Variants in ZKSCAN1 observed in about 807,000 individuals in gnomAD.
The protein encoded by ZKSCAN1 is zinc finger protein with KRAB and SCAN domains 1.
ZKSCAN1 carries 14 observed loss-of-function variants against 51.6 expected under a neutral mutation model. The ratio of observed to expected loss-of-function variants is 0.27; its 90% CI spans 0.18 to 0.42. ZKSCAN1 has a LOEUF of 0.42. Among genes scored for constraint, ZKSCAN1 ranks in the 10% least tolerant of loss-of-function variants. ZKSCAN1 has a pLI of 1.00. For missense variants in ZKSCAN1, 531 were observed against 710.0 expected (o/e 0.75, Z 2.86); for synonymous variants, 263 against 261.5 (o/e 1.01, Z -0.06).
At chr7:100,042,236 T>C (rs1237794594), downstream of ZKSCAN1, among the ~76,000 whole-genome samples, 1 of 151,198 alleles carries the variant, frequency 6.6e-6, no homozygotes, top group Admixed American at 6.6e-5. Context: ...GGAGAATCAC[T>C]TGAACCCAGG....
intron 1 of ZKSCAN1, among the ~76,000 whole-genome samples, chr7:100,022,816 C>T (rs1285904949): frequency 4.6e-5 from 7 of 152,168 alleles, no homozygotes; most frequent in Non-Finnish European, 1.0e-4. Flanking sequence ...GCACCTGGCA[C>T]TCTGCTAACA....
At chr7:100,024,661 A>G in intron 3 of ZKSCAN1, 1 of 183,126 alleles carries the variant, frequency 5.5e-6, no homozygotes. Context: ...GCACTTTGGG[A>G]GGCTGAGGCG....
intron 3 of ZKSCAN1, 161 bp downstream of exon 3, chr7:100,024,468 C>G (rs994350401): frequency 2.3e-6 from 2 of 887,932 alleles, no homozygotes; most frequent in Non-Finnish European, 3.3e-6. Context: ...GTGGCGCACA[C>G]CTGTGATTCC....
At position 100,038,375 on chromosome 7, in the gene ZKSCAN1, G is replaced by C; in HGVS notation, c.*4178G>C. The C allele has an allele frequency of 1.0e-6, 1 of 985,458 alleles. No individual in the cohort carries two copies. The highest frequency in any genetic ancestry group is 1.2e-6 in the Non-Finnish European group (1 of 829,942). 61.0% of individuals were successfully genotyped at this position (985,458 alleles called of 1,614,324 possible). Reference sequence around the variant, plus strand: ...CAGAACGGAGCAGCGGGGAGAGGAAGGGAAAAGCTTCATAGTTTGGTGCTT... The same window carrying C: ...CAGAACGGAGCAGCGGGGAGAGGAACGGAAAAGCTTCATAGTTTGGTGCTT... On this transcript the variant is annotated 3_prime_UTR_variant, in exon 6 of 6. Transcript: ENST00000324306.
chr7:100,017,809 C>G (rs955614823), intron 1 of ZKSCAN1, among the ~76,000 whole-genome samples: 1 of 152,138 alleles, frequency 6.6e-6, no homozygotes, highest in Non-Finnish European at 1.5e-5. Flanking sequence ...AGTTAAATAC[C>G]TCTCTCAGGG....
At position 100,029,844 on chromosome 7, in the gene ZKSCAN1, C is replaced by A. The variant is rs751797297; in HGVS notation, c.581-17C>A. On this transcript the variant is annotated splice_polypyrimidine_tract_variant and intron_variant, in intron 3 of 5. Transcript: ENST00000324306. Reference sequence around the variant, plus strand: ...GAGCGGAGCTGATTTACTCACAGACCCTTTCTCCTCCCCCAGCTCTTCCTG... The same window carrying A: ...GAGCGGAGCTGATTTACTCACAGACACTTTCTCCTCCCCCAGCTCTTCCTG... 3.1e-6 allele frequency: 5 copies of A among 1,612,736 alleles called. 1 individual carries two copies. The highest frequency in any genetic ancestry group is 4.2e-6 in the Non-Finnish European group (5 of 1,179,006).
At chr7:100,019,708 T>A (rs1274307813) in intron 1 of ZKSCAN1, among the ~76,000 whole-genome samples, 2 of 152,050 alleles carry the variant, frequency 1.3e-5, no homozygotes, top group Admixed American at 1.3e-4. Flanking sequence ...AGTTCTTCTT[T>A]TGTTTTTTTT....
intron 5 of ZKSCAN1, among the ~76,000 whole-genome samples, chr7:100,032,865 G>A (rs373176124): frequency 1.2e-4 from 18 of 152,204 alleles, no homozygotes; most frequent in African/African-American, 3.4e-4. Flanking sequence ...AAAATTAGCC[G>A]GGCGTGGTGG....
chr7:100,029,842 A>T lies in ZKSCAN1; in HGVS notation c.581-19A>T, dbSNP rs766669643. On this transcript the variant is annotated intron_variant, in intron 3 of 5. Coordinates refer to ENST00000324306, the MANE Select transcript of ZKSCAN1 (RefSeq NM_003439.4). ...CAGAGCGGAGCTGATTTACTCACAG[A>T]CCCTTTCTCCTCCCCCAGCTCTTCC... is the stretch of plus-strand genomic sequence containing the variant. 10 of 1,612,156 alleles carry T rather than the reference A, an allele frequency of 6.2e-6. 1 individual carries two copies. The highest frequency in any genetic ancestry group is 5.5e-5 in the South Asian group (5 of 90,930).
At chr7:100,027,154 G>C (rs556759348) in intron 3 of ZKSCAN1, among the ~76,000 whole-genome samples, 1 of 152,156 alleles carries the variant, frequency 6.6e-6, no homozygotes, top group South Asian at 2.1e-4. Flanking sequence ...AAAATTAGTT[G>C]GTTGTGGTGG....
intron 3 of ZKSCAN1, among the ~76,000 whole-genome samples, chr7:100,026,742 A>T (rs1044048715): frequency 6.6e-6 from 1 of 151,934 alleles, no homozygotes; most frequent in East Asian, 1.9e-4. Context: ...AAAAATAAAT[A>T]AATAAATACA....
chr7:100,037,739 C>G lies in ZKSCAN1; in HGVS notation c.*3542C>G. On this transcript the variant is annotated 3_prime_UTR_variant, in exon 6 of 6. Coordinates refer to ENST00000324306, the MANE Select transcript of ZKSCAN1 (RefSeq NM_003439.4). ...TTGCAAGAGGGAGCTCAATCTTGGC[C>G]GGGCGCCGTGGCTCACGCCTGTAAT... 2 of 985,256 alleles carry G rather than the reference C, an allele frequency of 2.0e-6. No homozygotes were observed. Among genetic ancestry groups the G allele is most frequent in the Non-Finnish European group, 2.4e-6 (2 of 829,786 alleles). 61.0% of individuals were successfully genotyped at this position (985,256 alleles called of 1,614,324 possible).
intron 3 of ZKSCAN1, among the ~76,000 whole-genome samples, chr7:100,026,737 TAAATA>T (rs966163293): frequency 8.0e-5 from 12 of 150,924 alleles, no homozygotes; most frequent in African/African-American, 2.9e-4. Context: ...AAAAAAAAAA[TAAATA>T]AATAAATACA....
At position 100,035,786 on chromosome 7, in the gene ZKSCAN1, C is replaced by T. The variant is rs1278769575; in HGVS notation, c.*1589C>T. 2 of 952,356 alleles carry T rather than the reference C, an allele frequency of 2.1e-6. No individual in the cohort carries two copies. Among genetic ancestry groups the T allele is most frequent in the Non-Finnish European group, 2.5e-6 (2 of 799,874 alleles). 59.0% of individuals were successfully genotyped at this position (952,356 alleles called of 1,614,324 possible). A position where few individuals can be genotyped will look rare whatever the true frequency, so the allele number is the denominator to read the frequency against. The stretch of plus-strand genomic sequence containing the variant: ...GTTATGAAACTTTCATTGGTCCCAT[C>T]GTTGTGCGCAGGGTGCAACTGGCTA... On this transcript the variant is annotated 3_prime_UTR_variant, in exon 6 of 6. Coordinates refer to ENST00000324306, the MANE Select transcript of ZKSCAN1 (RefSeq NM_003439.4).
intron 1 of ZKSCAN1, among the ~76,000 whole-genome samples, 153 bp downstream of exon 1, chr7:100,015,879 G>T (rs1170319749): frequency 6.6e-6 from 1 of 152,122 alleles, no homozygotes; most frequent in Admixed American, 6.5e-5. Context: ...GGCCGGGCCC[G>T]GCCGTAGAAA....
chr7:100,025,282 A>G (rs1044583130), intron 3 of ZKSCAN1, among the ~76,000 whole-genome samples: 4 of 149,998 alleles, frequency 2.7e-5, no homozygotes, highest in African/African-American at 9.8e-5. Flanking sequence ...AAAAATAATC[A>G]CTGCACTGCA....
At position 100,040,483 on chromosome 7, in the gene ZKSCAN1, A is replaced by T. The variant is rs1791548283; in HGVS notation, c.*6286A>T. On this transcript the variant is annotated 3_prime_UTR_variant, in exon 6 of 6. Transcript: ENST00000324306. Reference sequence around the variant, plus strand: ...AGTGAGGCTGAGTATTTTAAGATAGAGTGAGATCTGTGAGTGATTGAAAGG... The same window carrying T: ...AGTGAGGCTGAGTATTTTAAGATAGTGTGAGATCTGTGAGTGATTGAAAGG... 2.0e-6 allele frequency: 2 copies of T among 985,318 alleles called. No homozygotes were observed. The highest frequency in any genetic ancestry group is 2.4e-6 in the Non-Finnish European group (2 of 829,952). The allele number at this position is 985,318 out of a possible 1,614,324, so 61.0% of individuals were successfully genotyped here. A position where few individuals can be genotyped will look rare whatever the true frequency, so the allele number is the denominator to read the frequency against.
At chr7:100,016,654 C>G (rs375350553) in intron 1 of ZKSCAN1, among the ~76,000 whole-genome samples, 1 of 152,156 alleles carries the variant, frequency 6.6e-6, no homozygotes, top group Non-Finnish European at 1.5e-5. Context: ...CTCCTCCATC[C>G]CTCCCCTCCC....
chr7:100,033,962 A>G lies in ZKSCAN1; in HGVS notation c.1457A>G (p.Glu486Gly). Residue 486 changes from glutamate (E) to glycine (G), a missense_variant, in exon 6 of 6, where the codon GAG (glutamate) becomes GGG (glycine). Glu to Gly is a moderately conservative substitution (Grantham distance 98). This residue lies in a region of ZKSCAN1 where 128 missense variants were observed against 219.5 expected (regional missense o/e 0.58). Coordinates refer to ENST00000324306, the MANE Select transcript of ZKSCAN1 (RefSeq NM_003439.4). This position sits in a 1 kb window ranked among gnomAD's most constrained non-coding sequence, Gnocchi z 4.1. ...AAGCATCAGAGAATTCACACGGGGGAGAAACCCTATGAATGTAGTGAATGT... is the reference window on the plus strand; with the variant it reads ...AAGCATCAGAGAATTCACACGGGGGGGAAACCCTATGAATGTAGTGAATGT... ...LTKHQRIHTG[E>G]KPYECSECGK... The G allele has an allele frequency of 6.2e-7, 1 of 1,614,164 alleles. No homozygotes were observed. The highest frequency in any genetic ancestry group is 8.5e-7 in the Non-Finnish European group (1 of 1,180,022).
Sources: gnomAD v4.1 joint callset for allele counts (sites outside exome capture counted in the v4.1 genomes callset) on GRCh38, gnomAD v4.1.1 for gene constraint, gnomAD v4.1.1 regional missense constraint, Gnocchi (gnomAD v3.1) non-coding constraint, MANE v1.5 for transcripts, NCBI Gene and HGNC (gene_info 2026-07-23, HGNC 2026-07-21) for gene names.